TATDN3: variants seen among roughly 807,000 people sequenced by gnomAD.
The protein encoded by TATDN3 is TatD DNase domain containing 3.
A neutral mutation model predicts 40.1 loss-of-function variants in TATDN3; 29 were observed. That is an observed-to-expected ratio of 0.72 (90% CI 0.54 to 0.99). The LOEUF (loss-of-function observed/expected upper bound fraction) is 0.99, where lower values mean the gene tolerates loss of function less well. Ranked by LOEUF, TATDN3 falls within the 50% of genes least tolerant of loss-of-function variation. The pLI, the probability that TATDN3 is intolerant of heterozygous loss-of-function variation, is 0.00. For missense variants in TATDN3, 309 were observed against 321.9 expected (o/e 0.96, Z 0.31); for synonymous variants, 105 against 117.0 (o/e 0.90, Z 0.66).
intron 9 of TATDN3, 33 bp from the exon 10 acceptor site, chr1:212,814,980 A>C: frequency 6.3e-7 from 1 of 1,595,822 alleles, no homozygotes. Context: ...CTTCAGTGTC[A>C]TGTTTGACAT....
At chr1:212,798,536 CAA>C (rs11296428) in intron 4 of TATDN3, among the ~76,000 whole-genome samples, 240 of 91,294 alleles carry the variant, frequency 2.6e-3, no homozygotes, top group African/African-American at 7.0e-3. Context: ...CTCAAAAACT[CAA>C]AAAAAAAAAA....
intron 8 of TATDN3, among the ~76,000 whole-genome samples, chr1:212,811,321 CG>C (rs1294746644): frequency 6.6e-6 from 1 of 151,964 alleles, no homozygotes; most frequent in Non-Finnish European, 1.5e-5. Flanking sequence ...TTAGTAGAGA[CG>C]GGGTTTCACC....
In TATDN3 at chr1:212,816,443, T is replaced by C. The variant is rs895199913; in HGVS notation, c.*1287T>C. On this transcript the variant is annotated 3_prime_UTR_variant, in exon 10 of 10. Transcript: ENST00000366974. Reference sequence around the variant, plus strand: ...TTAATGCCACTGAACTGTACACTTATAACGAATTAGGATAAATTTTATGTT... The same window carrying C: ...TTAATGCCACTGAACTGTACACTTACAACGAATTAGGATAAATTTTATGTT... The C allele has an allele frequency of 2.0e-5, 3 of 152,376 alleles. No individual in the cohort carries two copies. Among genetic ancestry groups the C allele is most frequent in the Admixed American group, 6.5e-5 (1 of 15,298 alleles). The allele number at this position is 152,376 out of a possible 1,614,324, so 9.4% of individuals were successfully genotyped here.
At position 212,797,174 on chromosome 1, in the gene TATDN3, A is replaced by G. The variant is rs1337754036; in HGVS notation, c.236A>G (p.Asp79Gly). 1 of 1,614,144 alleles carries G rather than the reference A, an allele frequency of 6.2e-7. No individual in the cohort carries two copies. Among genetic ancestry groups the G allele is most frequent in the Non-Finnish European group, 8.5e-7 (1 of 1,179,976 alleles). Residue 79 changes from aspartate (D) to glycine (G), a missense_variant, in exon 4 of 10, where the codon GAC becomes GGC. Coordinates refer to ENST00000366974, the MANE Select transcript of TATDN3 (RefSeq NM_001042552.3). ...CCAGTTCAAGGACTTCCACCAGAAG[A>G]CCAAAGAAGTGTCACACTAAAGGTA... ...VHPVQGLPPE[D>G]QRSVTLKDLD...
chr1:212,808,245 G>C (rs943683418), intron 8 of TATDN3, among the ~76,000 whole-genome samples: 1 of 151,092 alleles, frequency 6.6e-6, no homozygotes, highest in African/African-American at 2.4e-5. Context: ...CCAGGAGGTG[G>C]AGGTTGCAGT....
chr1:212,812,080 G>A (rs535003519), intron 8 of TATDN3, 168 bp from the exon 9 acceptor site: 16 of 441,584 alleles, frequency 3.6e-5, no homozygotes, highest in Middle Eastern at 6.1e-4. Flanking sequence ...TGATCCACCC[G>A]CCTCGGCCTC....
At chr1:212,803,050 A>C (rs1421179311) in intron 5 of TATDN3, among the ~76,000 whole-genome samples, 2 of 151,938 alleles carry the variant, frequency 1.3e-5, no homozygotes, top group African/African-American at 4.8e-5. Context: ...TGCTCTGGTG[A>C]GTTAATATAG....
intron 3 of TATDN3, 38 bp downstream of exon 3, chr1:212,796,628 A>G (rs774207387): frequency 7.1e-7 from 1 of 1,413,904 alleles, no homozygotes; most frequent in South Asian, 1.4e-5. Flanking sequence ...GGTTGCTAAT[A>G]AGAACACAGT....
At chr1:212,807,427 AT>A (rs1234096592) in intron 7 of TATDN3, among the ~76,000 whole-genome samples, 1 of 151,542 alleles carries the variant, frequency 6.6e-6, no homozygotes, top group East Asian at 1.9e-4. Context: ...TAAATTTTGT[AT>A]TTTTTGTAGA....
intron 5 of TATDN3, among the ~76,000 whole-genome samples, chr1:212,803,190 C>T (rs1428795982): frequency 1.4e-5 from 2 of 145,982 alleles, no homozygotes; most frequent in African/African-American, 5.1e-5. Flanking sequence ...CAGAACCTTG[C>T]TCTGTCACCT....
intron 9 of TATDN3, among the ~76,000 whole-genome samples, chr1:212,812,921 C>T (rs1004975819): frequency 3.3e-5 from 5 of 152,128 alleles, no homozygotes; most frequent in South Asian, 2.1e-4. Flanking sequence ...GCAGGAGAAT[C>T]GCTTGAACCC....
In TATDN3 at chr1:212,804,269, T is replaced by C. The variant is rs1361564736; in HGVS notation, c.322-51T>C. 4 of 1,326,926 alleles carry C rather than the reference T, an allele frequency of 3.0e-6. No homozygotes were observed. In the Admixed American group the frequency reaches 7.4e-5, roughly 25 times the overall value. The allele number at this position is 1,326,926 out of a possible 1,614,324, so 82.2% of individuals were successfully genotyped here. ...GATAGCATCAATCCAAAGATCTCTT[T>C]TGAGGTTCCTTAAACCTAAATATGT... On this transcript the variant is annotated intron_variant, in intron 5 of 9. Coordinates refer to ENST00000366974, the MANE Select transcript of TATDN3 (RefSeq NM_001042552.3).
intron 1 of TATDN3, chr1:212,794,797 A>G (rs1380995422): frequency 1.9e-6 from 1 of 540,068 alleles, no homozygotes; most frequent in Admixed American, 2.2e-5. Flanking sequence ...TCAAGAAGGA[A>G]GGAGTAAGCA....
chr1:212,811,587 A>AT (rs201293730), intron 8 of TATDN3, among the ~76,000 whole-genome samples: 3,457 of 150,912 alleles, frequency 0.023, 61 homozygotes, highest in South Asian at 0.043. Flanking sequence ...GTAAAAAATA[A>AT]TTTTTTTTTG....
At position 212,816,699 on chromosome 1, in the gene TATDN3, G is replaced by T. The variant is rs1341100720; in HGVS notation, c.*1543G>T. 6.6e-6 allele frequency: 1 copy of T among 152,172 alleles called. No homozygotes were observed. The highest frequency in any genetic ancestry group is 1.5e-5 in the Non-Finnish European group (1 of 68,024). The allele number at this position is 152,172 out of a possible 1,614,324, so 9.4% of individuals were successfully genotyped here. A position where few individuals can be genotyped will look rare whatever the true frequency, so the allele number is the denominator to read the frequency against. ...GGAAGAATCAAAACTAGGTCAGATT[G>T]TCCAAACCAGACTAAGAAACTGAAT... is the stretch of plus-strand genomic sequence containing the variant. On this transcript the variant is annotated 3_prime_UTR_variant, in exon 10 of 10. Coordinates refer to ENST00000366974, the MANE Select transcript of TATDN3 (RefSeq NM_001042552.3).
chr1:212,810,660 A>G (rs1279364574), intron 8 of TATDN3, among the ~76,000 whole-genome samples: 1 of 152,096 alleles, frequency 6.6e-6, no homozygotes, highest in Admixed American at 6.6e-5. Context: ...CCACTCCAAC[A>G]TGAGTGACAG....
chr1:212,793,860 A>C (rs77925186), intron 1 of TATDN3, among the ~76,000 whole-genome samples: 2,300 of 152,262 alleles, frequency 0.015, 63 homozygotes, highest in African/African-American at 0.053. Context: ...AGCAGAAGGA[A>C]TAGGTTTGTG....
In TATDN3 at chr1:212,816,369, A is replaced by T. The variant is rs1663184686; in HGVS notation, c.*1213A>T. The T allele has an allele frequency of 6.6e-6, 1 of 152,214 alleles. No homozygotes were observed. Among genetic ancestry groups the T allele is most frequent in the Admixed American group, 6.5e-5 (1 of 15,274 alleles). The allele number at this position is 152,214 out of a possible 1,614,324, so 9.4% of individuals were successfully genotyped here. ...AATTAAAAATCTCAAGTGTAAAAAC[A>T]GTTCTGTAGATAGATGGTAGTGATG... On this transcript the variant is annotated 3_prime_UTR_variant, in exon 10 of 10. Coordinates refer to ENST00000366974, the MANE Select transcript of TATDN3 (RefSeq NM_001042552.3).
Position 212,803,626 on chromosome 1 carries a change from G to A in TATDN3, c.322-694G>A, listed in dbSNP as rs148157707. Among the ~76,000 whole-genome samples the A allele has an allele frequency of 2.5e-3, 378 of 151,968 alleles. 1 individual carries two copies. The highest frequency in any genetic ancestry group is 8.4e-3 in the African/African-American group (347 of 41,426). ...GGAGGAGTCATCTATAGTCTGTGCC[G>A]TCCAATATAGTGGCCACTTAACGGC... is the stretch of plus-strand genomic sequence containing the variant. On this transcript the variant is annotated intron_variant, in intron 5 of 9. Transcript: ENST00000366974.
Sources: allele counts gnomAD v4.1 joint callset (sites outside exome capture counted in the v4.1 genomes callset), GRCh38; gene constraint gnomAD v4.1.1; transcripts MANE v1.5; gene names NCBI Gene and HGNC (gene_info 2026-07-23, HGNC 2026-07-21).